The following PKP4 variants were observed in gnomAD, a reference collection of about 807,000 sequenced individuals.
PKP4 encodes the protein plakophilin 4, also known as plakophilin-4.
PKP4 carries 90 observed loss-of-function variants against 145.1 expected under a neutral mutation model. That is an observed-to-expected ratio of 0.62 (90% CI 0.52 to 0.74). The LOEUF (loss-of-function observed/expected upper bound fraction) is 0.74. PKP4 is among the 30% of genes least tolerant of loss of function. The probability of loss-of-function intolerance (pLI) is 0.00; values close to 1 mark genes in which losing one functional copy is unlikely to be tolerated. For synonymous variants in PKP4, 563 were observed against 577.2 expected (o/e 0.98, Z 0.35); for missense variants, 1,340 against 1,482.7 (o/e 0.90, Z 1.58).
chr2:158,517,270 T>C (rs2042010694), intron 1 of PKP4, among the ~76,000 whole-genome samples: 1 of 152,200 alleles, frequency 6.6e-6, no homozygotes, highest in Non-Finnish European at 1.5e-5. Flanking sequence ...CTATTGAACC[T>C]AAAGCAAATT....
intron 2 of PKP4, chr2:158,548,730 A>C (rs2045319851): frequency 3.6e-6 from 1 of 275,214 alleles, no homozygotes; most frequent in African/African-American, 2.3e-5. Context: ...CTGGCCCATA[A>C]GTACTGACCA....
intron 3 of PKP4, among the ~76,000 whole-genome samples, chr2:158,583,347 C>T (rs2048496854): frequency 6.6e-6 from 1 of 152,196 alleles, no homozygotes; most frequent in African/African-American, 2.4e-5. Context: ...TATGCCTCCA[C>T]TCCAAGGACA....
At chr2:158,521,670 C>T (rs765226363) in intron 1 of PKP4, among the ~76,000 whole-genome samples, 3 of 152,114 alleles carry the variant, frequency 2.0e-5, no homozygotes, top group Admixed American at 2.0e-4. Context: ...TTATCTGATA[C>T]TCCTTTTAGA....
chr2:158,564,417 C>G (rs1420994686), intron 2 of PKP4, among the ~76,000 whole-genome samples: 1 of 152,120 alleles, frequency 6.6e-6, no homozygotes, highest in African/African-American at 2.4e-5. Context: ...TACAATATTA[C>G]TATGTGGATG....
chr2:158,675,037 C>T (rs191696717), intron 19 of PKP4, among the ~76,000 whole-genome samples: 40 of 152,272 alleles, frequency 2.6e-4, no homozygotes, highest in Admixed American at 4.6e-4. Context: ...AAGAAACCTA[C>T]GTGTCTGGTT....
chr2:158,465,671 T>C lies in PKP4; in HGVS notation c.-6+8453T>C, dbSNP rs562559080. On this transcript the variant is annotated intron_variant, in intron 1 of 21. Coordinates refer to ENST00000389759, the MANE Select transcript of PKP4 (RefSeq NM_003628.6). ...TATGAATAAACAGAATGTTTCAAAA[T>C]CTCTCGTGATGTATGCTAGAATAAA... Among the ~76,000 whole-genome samples, 16 of 152,322 alleles carry C rather than the reference T, an allele frequency of 1.1e-4. 1 individual carries two copies. Among genetic ancestry groups the C allele is most frequent in the Admixed American group, 1.0e-3 (16 of 15,308 alleles).
At chr2:158,473,916 G>A (rs1692017421) in intron 1 of PKP4, among the ~76,000 whole-genome samples, 1 of 152,032 alleles carries the variant, frequency 6.6e-6, no homozygotes, top group African/African-American at 2.4e-5. Context: ...GGCTTGCAAG[G>A]TCAGCATTAA....
intron 1 of PKP4, among the ~76,000 whole-genome samples, chr2:158,470,797 G>GAA (rs1691444544): frequency 6.6e-6 from 1 of 152,048 alleles, no homozygotes; most frequent in Non-Finnish European, 1.5e-5. Context: ...ACCCCTTGAG[G>GAA]GCTCTTCTAC....
intron 12 of PKP4, chr2:158,661,080 T>G: frequency 3.3e-6 from 1 of 302,354 alleles, no homozygotes; most frequent in Admixed American, 4.5e-5. Flanking sequence ...AAGAATTATA[T>G]GAGGGAATTA....
chr2:158,640,830 A>T (rs2054217847), intron 10 of PKP4, 71 bp downstream of exon 10: 1 of 1,504,862 alleles, frequency 6.6e-7, no homozygotes, highest in African/African-American at 1.4e-5. Context: ...GTGCTTCTGT[A>T]TTTAAGAAAT....
chr2:158,457,224 T>G lies in PKP4; in HGVS notation c.-6+6T>G, dbSNP rs1335359389. 6.6e-6 allele frequency: 1 copy of G among 151,478 alleles called. No individual in the cohort carries two copies. The highest frequency in any genetic ancestry group is 1.5e-5 in the Non-Finnish European group (1 of 67,822). 9.4% of individuals were successfully genotyped at this position (151,478 alleles called of 1,614,324 possible). A position where few individuals can be genotyped will look rare whatever the true frequency, so the allele number is the denominator to read the frequency against. Reference sequence around the variant, plus strand: ...GCCGCTGCCTAAGCTGGAAAGTAAGTGTGTGGGCTCGCGGGAGGGCGCGGA... The same window carrying G: ...GCCGCTGCCTAAGCTGGAAAGTAAGGGTGTGGGCTCGCGGGAGGGCGCGGA... On this transcript the variant is annotated splice_donor_region_variant and intron_variant, in intron 1 of 21. Transcript: ENST00000389759.
At chr2:158,502,282 T>C (rs1438441226) in intron 1 of PKP4, among the ~76,000 whole-genome samples, 4 of 152,132 alleles carry the variant, frequency 2.6e-5, no homozygotes, top group Non-Finnish European at 1.5e-5. Flanking sequence ...AGAAGTGACC[T>C]CTAGTTCCAT....
At chr2:158,550,497 G>A (rs901487088) in intron 2 of PKP4, among the ~76,000 whole-genome samples, 1 of 152,210 alleles carries the variant, frequency 6.6e-6, no homozygotes, top group East Asian at 1.9e-4. Context: ...TGGACAAACA[G>A]TGTGACCCAA....
rs141742190 is a variant in PKP4, at chr2:158,518,250, A to G, written c.-5-14930A>G. 4.6e-3 allele frequency among the ~76,000 whole-genome samples: 703 copies of G among 152,278 alleles called. 5 individuals carry two copies. The highest frequency in any genetic ancestry group is 0.016 in the African/African-American group (667 of 41,564). On this transcript the variant is annotated intron_variant, in intron 1 of 21. Coordinates refer to ENST00000389759, the MANE Select transcript of PKP4 (RefSeq NM_003628.6). Reference sequence around the variant, plus strand: ...TGTGATTGCTGGGCTGTGTGTCCATAGCGTCTTTTAATCCCAAGTTACGTC... The same window carrying G: ...TGTGATTGCTGGGCTGTGTGTCCATGGCGTCTTTTAATCCCAAGTTACGTC...
intron 1 of PKP4, among the ~76,000 whole-genome samples, chr2:158,508,378 A>T (rs1302058058): frequency 7.3e-6 from 1 of 137,300 alleles, no homozygotes; most frequent in Non-Finnish European, 1.5e-5. Context: ...AAAAAAAAAA[A>T]AAAAAAAAAA....
chr2:158,678,924 A>G, intron 21 of PKP4: 1 of 496,002 alleles, frequency 2.0e-6, no homozygotes, highest in South Asian at 2.6e-5. Flanking sequence ...TCTTTTGCCC[A>G]GCAGTGTCCT....
intron 1 of PKP4, among the ~76,000 whole-genome samples, chr2:158,484,032 C>CTTTTTTTT (rs11289096): frequency 2.1e-5 from 2 of 95,948 alleles, no homozygotes; most frequent in African/African-American, 3.7e-5. Context: ...TTTTCTTTTT[C>CTTTTTTTT]TTTTTTTTTT....
At chr2:158,615,103 G>C (rs1025533087) in intron 4 of PKP4, among the ~76,000 whole-genome samples, 1 of 151,580 alleles carries the variant, frequency 6.6e-6, no homozygotes, top group African/African-American at 2.4e-5. Context: ...ATCCTTTATA[G>C]GTTTGTGTTT....
chr2:158,577,118 T>G lies in PKP4; in HGVS notation c.133-153T>G, dbSNP rs113369603. ...AAAAAGCTAGGAATCAATAGGTCATTTATTTCATCCAAAAATTGCATTTCA... is the reference window on the plus strand; with the variant it reads ...AAAAAGCTAGGAATCAATAGGTCATGTATTTCATCCAAAAATTGCATTTCA... On this transcript the variant is annotated intron_variant, in intron 2 of 21. Transcript: ENST00000389759. Among the ~76,000 whole-genome samples, 425 of 152,300 alleles carry G rather than the reference T, an allele frequency of 2.8e-3. 4 individuals are homozygous for G. The highest frequency in any genetic ancestry group is 9.7e-3 in the African/African-American group (402 of 41,562).
Sources: gnomAD v4.1 joint callset for allele counts (sites outside exome capture counted in the v4.1 genomes callset) on GRCh38, gnomAD v4.1.1 for gene constraint, MANE v1.5 for transcripts, NCBI Gene and HGNC (gene_info 2026-07-23, HGNC 2026-07-21) for gene names.